The following ZNF718 variants were observed in gnomAD, a reference collection of about 807,000 sequenced individuals.
The protein encoded by ZNF718 is zinc finger protein 718.
In ZNF718, 3 loss-of-function variants were observed where a neutral mutation model predicts 2.6. The observed-to-expected ratio is 1.16, with a 90% CI of 0.53 to 3.01. The LOEUF (loss-of-function observed/expected upper bound fraction) is 3.01, where lower values mean the gene tolerates loss of function less well. Among genes scored for constraint, ZNF718 ranks in the 30% most tolerant of loss-of-function variants. ZNF718 has a pLI of 0.03. For missense variants in ZNF718, 468 were observed against 230.0 expected (o/e 2.03, Z -6.69); for synonymous variants, 135 against 77.9 (o/e 1.73, Z -3.86).
At position 124,837 on chromosome 4, in the gene ZNF718, C is replaced by G. The variant is rs188118109; in HGVS notation, c.3+164C>G. On this transcript the variant is annotated intron_variant, in intron 1 of 3. Coordinates refer to ENST00000510175, the MANE Select transcript of ZNF718 (RefSeq NM_001039127.6). ...GCTCTTGTCAGTCCCCGTACAGCGG[C>G]TCTGGCCCAGCCTGCAGCCCTCCTT... The G allele has an allele frequency of 2.4e-4, 218 of 899,434 alleles. 1 individual carries two copies. In the African/African-American group the frequency reaches 3.3e-3, roughly 13 times the overall value. 55.7% of individuals were successfully genotyped at this position (899,434 alleles called of 1,614,324 possible).
At chr4:152,572 GT>G (rs1716375784) in intron 3 of ZNF718, among the ~76,000 whole-genome samples, 1 of 151,516 alleles carries the variant, frequency 6.6e-6, no homozygotes, top group African/African-American at 2.4e-5. Context: ...AGAGCACGGG[GT>G]TGGGGGTAAG....
At chr4:165,767 C>T (rs537025905), downstream of ZNF718, among the ~76,000 whole-genome samples, 36 of 152,230 alleles carry the variant, frequency 2.4e-4, no homozygotes, top group Admixed American at 3.9e-4. Context: ...TCACTGCACT[C>T]CAGCCTGGGT....
At chr4:188,754 A>G (rs1488851030) in intron 3 of ZNF718, among the ~76,000 whole-genome samples, 1 of 151,980 alleles carries the variant, frequency 6.6e-6, no homozygotes, top group African/African-American at 2.4e-5. Context: ...TTTGTGGGAG[A>G]AGTGTGGTTT....
intron 3 of ZNF718, among the ~76,000 whole-genome samples, chr4:134,934 TCA>T (rs1296851274): frequency 6.6e-6 from 1 of 152,034 alleles, no homozygotes; most frequent in African/African-American, 2.4e-5. Flanking sequence ...GAGACAGGTC[TCA>T]GTTAATGTAG....
chr4:143,687 A>G (rs1345130061), intron 3 of ZNF718, among the ~76,000 whole-genome samples: 3 of 152,114 alleles, frequency 2.0e-5, no homozygotes, highest in Admixed American at 6.5e-5. Context: ...ATCCACCCCC[A>G]TTATATCTTT....
chr4:159,580 C>T lies in ZNF718; in HGVS notation c.227-1332C>T, dbSNP rs139570896. On this transcript the variant is annotated intron_variant, in intron 3 of 3. Transcript: ENST00000510175. ...GCTTGTGGAGCATCTTCAGTTTTTACATCCTTTTTTTACTTTTGAAAATGT... is the reference window on the plus strand; with the variant it reads ...GCTTGTGGAGCATCTTCAGTTTTTATATCCTTTTTTTACTTTTGAAAATGT... Among the ~76,000 whole-genome samples the T allele has an allele frequency of 1.8e-3, 278 of 152,170 alleles. 4 individuals carry two copies. The highest frequency in any genetic ancestry group is 3.7e-3 in the South Asian group (18 of 4,820).
intron 3 of ZNF718, among the ~76,000 whole-genome samples, chr4:157,111 T>C (rs1553849616): frequency 0.084 from 1,794 of 21,240 alleles, 67 homozygotes; most frequent in East Asian, 0.13. Context: ...TTCTTTTTTT[T>C]TTTTTTTTTT....
downstream of ZNF718, among the ~76,000 whole-genome samples, chr4:164,214 G>A (rs962965961): frequency 5.3e-5 from 8 of 151,996 alleles, no homozygotes; most frequent in African/African-American, 1.9e-4. Flanking sequence ...CAGACTTCTA[G>A]TTTTGATTTA....
intron 3 of ZNF718, among the ~76,000 whole-genome samples, chr4:190,701 AC>A (rs1412912089): frequency 6.6e-6 from 1 of 152,192 alleles, no homozygotes; most frequent in African/African-American, 2.4e-5. Flanking sequence ...TTATATAACC[AC>A]AAATATACAT....
chr4:159,039 T>C (rs1237792886), intron 3 of ZNF718, among the ~76,000 whole-genome samples: 1,787 of 150,446 alleles, frequency 0.012, 42 homozygotes, highest in African/African-American at 0.041. Flanking sequence ...TTTTCTTTTT[T>C]CTTTTTTTTT....
intron 3 of ZNF718, among the ~76,000 whole-genome samples, chr4:189,651 G>A (rs1255143715): frequency 3.9e-5 from 6 of 152,090 alleles, no homozygotes; most frequent in African/African-American, 1.4e-4. Flanking sequence ...AGTACTTCCA[G>A]TACAGTGTTA....
rs555496875 is a variant in ZNF718, at chr4:160,949, G to T, written c.264G>T (p.Val88=). 11 of 780,434 alleles carry T rather than the reference G, an allele frequency of 1.4e-5. No homozygotes were observed. In the South Asian group the frequency reaches 1.5e-4, roughly 10 times the overall value. 48.3% of individuals were successfully genotyped at this position (780,434 alleles called of 1,614,324 possible). A position where few individuals can be genotyped will look rare whatever the true frequency, so the allele number is the denominator to read the frequency against. The change falls in exon 4 of 4, where the codon GTG becomes GTT. Residue 88 remains valine (V), a synonymous_variant. Transcript: ENST00000510175. ...ATTTCACCCAAAACCTTTGGACAGT[G>T]CAGGGCATAGAAGATTCATTCCACA... ...CSHFTQNLWT[V]QGIEDSFHKL...
At chr4:170,557 T>C (rs1198372242) in intron 3 of ZNF718, among the ~76,000 whole-genome samples, 1 of 152,138 alleles carries the variant, frequency 6.6e-6, no homozygotes, top group Non-Finnish European at 1.5e-5. Flanking sequence ...CTTTTTATTC[T>C]TTTTTCTCTA....
chr4:136,148 CAGTA>C (rs1715561881), intron 3 of ZNF718, among the ~76,000 whole-genome samples: 1 of 152,070 alleles, frequency 6.6e-6, no homozygotes, highest in Non-Finnish European at 1.5e-5. Flanking sequence ...GTATGGCAGG[CAGTA>C]AGGCAGGGTT....
intron 3 of ZNF718, among the ~76,000 whole-genome samples, chr4:144,641 A>T (rs1168088827): frequency 6.6e-6 from 1 of 152,214 alleles, no homozygotes; most frequent in Non-Finnish European, 1.5e-5. Context: ...ATTCATGAAC[A>T]TAAAATATCT....
intron 3 of ZNF718, among the ~76,000 whole-genome samples, chr4:148,149 C>T (rs58602185): frequency 0.031 from 4,766 of 152,162 alleles, 186 homozygotes; most frequent in African/African-American, 0.088. Flanking sequence ...CAGACTCTAG[C>T]GGACAGGGAA....
At chr4:150,896 G>A (rs1346487509) in intron 3 of ZNF718, among the ~76,000 whole-genome samples, 2 of 149,878 alleles carry the variant, frequency 1.3e-5, no homozygotes, top group Admixed American at 6.6e-5. Context: ...TTTTGTGTGT[G>A]TGTGTGTGTG....
At chr4:160,097 A>G (rs1411243984) in intron 3 of ZNF718, among the ~76,000 whole-genome samples, 1 of 152,192 alleles carries the variant, frequency 6.6e-6, no homozygotes, top group Non-Finnish European at 1.5e-5. Flanking sequence ...TGCTCATGAA[A>G]CATTTACCTT....
intron 3 of ZNF718, among the ~76,000 whole-genome samples, chr4:187,019 C>A (rs1391545077): frequency 1.3e-5 from 2 of 152,114 alleles, no homozygotes; most frequent in Non-Finnish European, 2.9e-5. Flanking sequence ...GTTTGTGCCA[C>A]TTCTTATCTT....
Sources: allele counts gnomAD v4.1 joint callset (sites outside exome capture counted in the v4.1 genomes callset), GRCh38; gene constraint gnomAD v4.1.1; transcripts MANE v1.5; gene names NCBI Gene and HGNC (gene_info 2026-07-23, HGNC 2026-07-21).